TLK2: variants seen among roughly 807,000 people sequenced by gnomAD.
TLK2 encodes serine/threonine-protein kinase tousled-like 2.
A neutral mutation model predicts 117.3 loss-of-function variants in TLK2; 6 were observed. The observed-to-expected ratio is 0.05, with a 90% CI of 0.03 to 0.10. TLK2 has a LOEUF of 0.10. Among genes scored for constraint, TLK2 ranks in the 10% least tolerant of loss-of-function variants. TLK2 has a pLI of 1.00. For synonymous variants in TLK2, 257 were observed against 316.7 expected, an observed-to-expected ratio of 0.81 and a Z score of 2.00; for missense variants, 299 against 901.2, an observed-to-expected ratio of 0.33 and a Z score of 8.56.
intron 2 of TLK2, among the ~76,000 whole-genome samples, chr17:62,485,107 C>T (rs1373225166): frequency 6.6e-5 from 10 of 152,184 alleles, no homozygotes; most frequent in Admixed American, 6.5e-4. Flanking sequence ...AAAAAGATTT[C>T]AGCCCCTGCA....
At chr17:62,597,485 G>A (rs866974744) in intron 17 of TLK2, among the ~76,000 whole-genome samples, 2 of 152,196 alleles carry the variant, frequency 1.3e-5, no homozygotes, top group South Asian at 2.1e-4. Context: ...TGCCACTGAC[G>A]TGCACTAGTG....
chr17:62,555,543 C>T (rs1457468414), intron 9 of TLK2, among the ~76,000 whole-genome samples: 3 of 148,758 alleles, frequency 2.0e-5, no homozygotes, highest in East Asian at 2.0e-4. Flanking sequence ...AGTGCAGTGG[C>T]GTGATCTCAG....
chr17:62,589,744 T>C lies in TLK2; in HGVS notation c.1460+3518T>C, dbSNP rs74257601. Among the ~76,000 whole-genome samples, 5 of 152,314 alleles carry C rather than the reference T, an allele frequency of 3.3e-5. No individual in the cohort carries two copies. In the East Asian group the frequency reaches 7.7e-4, roughly 24 times the overall value. On this transcript the variant is annotated intron_variant, in intron 16 of 21. Coordinates refer to ENST00000346027, the MANE Select transcript of TLK2 (RefSeq NM_006852.6). ...GGTAGAGCGCTATACATTTATAGCA[T>C]GCTAGAGTGAAAAATAACTTAGAAC...
chr17:62,488,506 C>T (rs1404010615), intron 2 of TLK2, among the ~76,000 whole-genome samples: 2 of 152,148 alleles, frequency 1.3e-5, no homozygotes, highest in African/African-American at 4.8e-5. Context: ...ATGGCCTATA[C>T]TTATATTGAT....
intron 6 of TLK2, among the ~76,000 whole-genome samples, chr17:62,533,267 C>CA (rs1567864579): frequency 1.3e-5 from 2 of 151,484 alleles, no homozygotes; most frequent in African/African-American, 2.4e-5. Context: ...CATTCAGATG[C>CA]AAAAAAATTG....
intron 7 of TLK2, among the ~76,000 whole-genome samples, chr17:62,542,519 T>G (rs2145964241): frequency 6.6e-6 from 1 of 152,330 alleles, no homozygotes; most frequent in South Asian, 2.1e-4. Flanking sequence ...ATTGTTACAG[T>G]ATGAGTGTTT....
intron 7 of TLK2, among the ~76,000 whole-genome samples, chr17:62,551,380 A>T (rs2078443516): frequency 2.0e-5 from 3 of 152,140 alleles, no homozygotes. Context: ...GATGGGTCAT[A>T]CTTTGTTAGC....
At chr17:62,492,617 C>T (rs903098444) in intron 2 of TLK2, among the ~76,000 whole-genome samples, 27 of 152,070 alleles carry the variant, frequency 1.8e-4, no homozygotes, top group African/African-American at 6.5e-4. Flanking sequence ...GCCACCTCGC[C>T]GGGCTAATTT....
At chr17:62,534,617 A>ATT (rs898905390) in intron 6 of TLK2, among the ~76,000 whole-genome samples, 2 of 151,996 alleles carry the variant, frequency 1.3e-5, no homozygotes, top group African/African-American at 4.8e-5. Context: ...TAATTTTTCC[A>ATT]TTGATTTGCT....
chr17:62,540,427 A>T (rs1208818406), intron 7 of TLK2, among the ~76,000 whole-genome samples: 1 of 10,066 alleles, frequency 9.9e-5, no homozygotes, highest in African/African-American at 1.3e-4. Context: ...TTTTTTTGAG[A>T]CAGAGTCTTG....
intron 7 of TLK2, among the ~76,000 whole-genome samples, chr17:62,549,418 A>AAAAAAAAAAAAAAAAAAAAAAAG (rs1598512121): frequency 2.3e-4 from 2 of 8,536 alleles, no homozygotes; most frequent in East Asian, 8.5e-3. Context: ...AAAAAAAAAA[A>AAAAAAAAAAAAAAAAAAAAAAAG]AAAAAAAAAA....
chr17:62,488,028 C>T (rs911148915), intron 2 of TLK2, among the ~76,000 whole-genome samples: 7 of 152,114 alleles, frequency 4.6e-5, no homozygotes, highest in Non-Finnish European at 8.8e-5. Flanking sequence ...CAATCTCCAC[C>T]TCCCGGGTTC....
intron 21 of TLK2, among the ~76,000 whole-genome samples, chr17:62,611,743 A>G (rs1364356363): frequency 2.0e-5 from 3 of 152,260 alleles, no homozygotes; most frequent in Non-Finnish European, 2.9e-5. Context: ...TAATCTATAT[A>G]AGGGCCTTTA....
intron 15 of TLK2, among the ~76,000 whole-genome samples, chr17:62,583,767 C>T (rs531996447): frequency 4.0e-5 from 6 of 151,812 alleles, no homozygotes; most frequent in African/African-American, 7.2e-5. Flanking sequence ...TTGGTAGAGA[C>T]GGGGTTTTAC....
intron 12 of TLK2, chr17:62,574,467 G>A: frequency 1.2e-6 from 1 of 841,226 alleles, no homozygotes; most frequent in Non-Finnish European, 1.9e-6. Context: ...ATAAAAATGT[G>A]CATAATGAAC....
chr17:62,571,645 C>T (rs982379727), intron 11 of TLK2, among the ~76,000 whole-genome samples: 7 of 152,168 alleles, frequency 4.6e-5, no homozygotes, highest in Non-Finnish European at 2.9e-5. Flanking sequence ...ATAGTATTAT[C>T]AAGTGACTGG....
chr17:62,605,473 G>A (rs993466938), intron 19 of TLK2, among the ~76,000 whole-genome samples: 12 of 151,996 alleles, frequency 7.9e-5, no homozygotes, highest in African/African-American at 2.4e-4. Flanking sequence ...CCCAGGCTCC[G>A]GTGATCCTCC....
chr17:62,517,303 G>A (rs1280622474), intron 2 of TLK2, among the ~76,000 whole-genome samples: 4 of 152,262 alleles, frequency 2.6e-5, no homozygotes, highest in Admixed American at 2.0e-4. Flanking sequence ...TCCTTCTGGC[G>A]GTCCATTCTT....
In TLK2 at chr17:62,542,531, A is replaced by G. The variant is rs1310110750; in HGVS notation, c.531+6194A>G. 3.3e-5 allele frequency among the ~76,000 whole-genome samples: 5 copies of G among 152,274 alleles called. No homozygotes were observed. The East Asian group carries it at 9.6e-4, about 29-fold the overall frequency. On this transcript the variant is annotated intron_variant, in intron 7 of 21. Transcript: ENST00000346027. ...GTTATTGTTACAGTATGAGTGTTTG[A>G]TATTTAGTTTGTTATTTTAACTACA... is the stretch of plus-strand genomic sequence containing the variant.
Sources: gnomAD v4.1 joint callset for allele counts (sites outside exome capture counted in the v4.1 genomes callset) on GRCh38, gnomAD v4.1.1 for gene constraint, MANE v1.5 for transcripts, NCBI Gene and HGNC (gene_info 2026-07-23, HGNC 2026-07-21) for gene names.